The following VNN1 variants were observed in gnomAD, a reference collection of about 807,000 sequenced individuals.
VNN1 encodes the protein pantetheinase.
Under a neutral mutation model 41.9 loss-of-function variants are expected in VNN1, and 29 were observed. The observed-to-expected ratio is 0.69, with a 90% CI of 0.52 to 0.94. The LOEUF (loss-of-function observed/expected upper bound fraction) is 0.94. VNN1 is among the 40% of genes least tolerant of loss of function. VNN1 has a pLI of 0.00. For synonymous variants in VNN1, 233 were observed against 224.4 expected, an observed-to-expected ratio of 1.04 and a Z score of -0.34; for missense variants, 637 against 621.1, an observed-to-expected ratio of 1.03 and a Z score of -0.27.
rs1417039544 is a variant in VNN1, at chr6:132,692,299, TCAGA to T, written c.1108_1111del (p.Ser370ArgfsTer10). On this transcript the variant is annotated frameshift_variant, in exon 5 of 7. Coordinates refer to ENST00000367928, the MANE Select transcript of VNN1 (RefSeq NM_004666.3). LOFTEE classifies it high-confidence loss of function. ...AGCGTACACTTCATTTGGTATGTTC[TCAGA>T]CATTTTGTAGCTTAAATGACAGCAG... 6 of 1,614,218 alleles carry T rather than the reference TCAGA, an allele frequency of 3.7e-6. No individual in the cohort carries two copies. The highest frequency in any genetic ancestry group is 5.1e-6 in the Non-Finnish European group (6 of 1,180,022).
At chr6:132,691,403 G>A (rs576505302) in intron 5 of VNN1, among the ~76,000 whole-genome samples, 7 of 151,934 alleles carry the variant, frequency 4.6e-5, no homozygotes, top group African/African-American at 9.7e-5. Context: ...GGCCACTTGC[G>A]AGCAATGAGA....
intron 1 of VNN1, among the ~76,000 whole-genome samples, chr6:132,712,408 C>A (rs1378312032): frequency 6.6e-6 from 1 of 152,020 alleles, no homozygotes; most frequent in Non-Finnish European, 1.5e-5. Context: ...CTTCAGCCTC[C>A]CAAAGTGTTG....
At position 132,696,883 on chromosome 6, in the gene VNN1, C is replaced by T. The variant is rs142202609; in HGVS notation, c.342-2701G>A. Among the ~76,000 whole-genome samples, 3 of 152,138 alleles carry T rather than the reference C, an allele frequency of 2.0e-5. No individual in the cohort carries two copies. The East Asian group carries it at 5.8e-4, about 30-fold the overall frequency. Reference sequence around the variant, plus strand: ...CTTTGCAAGACTGAGGCCAGTGGAACACCTGAGGTCAGGAGATCGAGACCA... The same window carrying T: ...CTTTGCAAGACTGAGGCCAGTGGAATACCTGAGGTCAGGAGATCGAGACCA... On this transcript the variant is annotated intron_variant, in intron 2 of 6. Coordinates refer to ENST00000367928, the MANE Select transcript of VNN1 (RefSeq NM_004666.3).
Position 132,694,029 on chromosome 6 carries a change from TACC to T in VNN1, c.492_494del (p.Val165del). On this transcript the variant is annotated inframe_deletion, in exon 3 of 7. Coordinates refer to ENST00000367928, the MANE Select transcript of VNN1 (RefSeq NM_004666.3). ...CCACCAGTTTTCCTTGAGAATCAAA[TACC>T]ACATCAGTGTTGTATTGGTAACGGC... is the stretch of plus-strand genomic sequence containing the variant. 1 of 1,614,194 alleles carries T rather than the reference TACC, an allele frequency of 6.2e-7. No homozygotes were observed. Among genetic ancestry groups the T allele is most frequent in the Non-Finnish European group, 8.5e-7 (1 of 1,180,016 alleles).
intron 2 of VNN1, among the ~76,000 whole-genome samples, chr6:132,701,199 A>G (rs1193242524): frequency 6.6e-6 from 1 of 152,232 alleles, no homozygotes; most frequent in Non-Finnish European, 1.5e-5. Context: ...ATTAAAAATT[A>G]TAACCCATTT....
At chr6:132,685,145 G>C (rs931057933) in intron 5 of VNN1, among the ~76,000 whole-genome samples, 1 of 152,338 alleles carries the variant, frequency 6.6e-6, no homozygotes, top group Admixed American at 6.5e-5. Context: ...ATCTGGAAAA[G>C]TCATATCCTC....
intron 2 of VNN1, among the ~76,000 whole-genome samples, chr6:132,694,689 T>C (rs1778342467): frequency 6.8e-6 from 1 of 147,632 alleles, no homozygotes; most frequent in Non-Finnish European, 1.5e-5. Context: ...ACTGTCTCTC[T>C]ACAAAAAATG....
intron 5 of VNN1, among the ~76,000 whole-genome samples, chr6:132,691,136 A>C (rs942622071): frequency 6.6e-6 from 1 of 152,240 alleles, no homozygotes; most frequent in African/African-American, 2.4e-5. Context: ...AGGATAGAGA[A>C]TAGGAAGGGA....
intron 2 of VNN1, among the ~76,000 whole-genome samples, chr6:132,704,350 A>T (rs1778489627): frequency 6.6e-6 from 1 of 152,136 alleles, no homozygotes; most frequent in Non-Finnish European, 1.5e-5. Context: ...AATTGAGATC[A>T]TATCAAGTAT....
At chr6:132,709,374 G>A (rs1324754617) in intron 2 of VNN1, among the ~76,000 whole-genome samples, 1 of 152,064 alleles carries the variant, frequency 6.6e-6, no homozygotes, top group Non-Finnish European at 1.5e-5. Flanking sequence ...AATTTGCAGA[G>A]TTAATAAATT....
Position 132,714,013 on chromosome 6 carries a change from T to G in VNN1, c.23A>C (p.Tyr8Ser). The G allele has an allele frequency of 6.2e-7, 1 of 1,613,644 alleles. No individual in the cohort carries two copies. The highest frequency in any genetic ancestry group is 8.5e-7 in the Non-Finnish European group (1 of 1,179,802). Reference sequence around the variant, plus strand: ...GACATAGAAAAGCAAAATTGCCACGTAAGCTGGCAACTGAGTAGTCATGCT... The same window carrying G: ...GACATAGAAAAGCAAAATTGCCACGGAAGCTGGCAACTGAGTAGTCATGCT... MTTQLPA[Y>S]VAILLFYVSR... The change falls in exon 1 of 7, where the codon TAC becomes TCC. Residue 8 changes from tyrosine to serine, a missense_variant. Transcript: ENST00000367928.
In VNN1 at chr6:132,704,273, C is replaced by A. The variant is rs536985587; in HGVS notation, c.341+7436G>T. ...ACAGAATAAACATTCTTCTCCCCAG[C>A]ACATGGATCATTCTCAAGGAGAGAC... On this transcript the variant is annotated intron_variant, in intron 2 of 6. Coordinates refer to ENST00000367928, the MANE Select transcript of VNN1 (RefSeq NM_004666.3). 7.2e-5 allele frequency among the ~76,000 whole-genome samples: 11 copies of A among 152,172 alleles called. No homozygotes were observed. In the East Asian group the frequency reaches 1.4e-3, roughly 19 times the overall value.
chr6:132,692,444 T>A lies in VNN1; in HGVS notation c.967A>T (p.Ile323Leu), dbSNP rs1562215602. 2 of 1,614,142 alleles carry A rather than the reference T, an allele frequency of 1.2e-6. No homozygotes were observed. Among genetic ancestry groups the A allele is most frequent in the Admixed American group, 3.3e-5 (2 of 60,010 alleles). ...TTGTTTCCTGATGAGAGCGCTTCTA[T>A]ACTGCTGGCATAGGAAGTCCAGTTC... ...VVNWTSYASS[I>L]EALSSGNKEF... The change falls in exon 5 of 7, where the codon ATA becomes TTA. Residue 323 changes from isoleucine (I) to leucine (L), a missense_variant. Coordinates refer to ENST00000367928, the MANE Select transcript of VNN1 (RefSeq NM_004666.3).
chr6:132,703,902 G>C (rs1778482896), intron 2 of VNN1, among the ~76,000 whole-genome samples: 1 of 152,116 alleles, frequency 6.6e-6, no homozygotes, highest in Non-Finnish European at 1.5e-5. Context: ...AGGAGCAGGG[G>C]TAGCTATATT....
At chr6:132,712,153 CTTT>C (rs569395584) in intron 1 of VNN1, among the ~76,000 whole-genome samples, 1 of 132,672 alleles carries the variant, frequency 7.5e-6, no homozygotes. Flanking sequence ...TTTTTTCTCT[CTTT>C]TTTTTTTTTT....
chr6:132,691,316 C>G (rs147281061), intron 5 of VNN1, among the ~76,000 whole-genome samples: 193 of 152,240 alleles, frequency 1.3e-3, no homozygotes, highest in African/African-American at 4.4e-3. Context: ...GTCAGACTGT[C>G]AATAGGAAGC....
rs1217969292 is a variant in VNN1 at position 132,692,645 on chromosome 6, TGTTATTACTATTTTAACC to T, written c.827-79_827-62del. 163 of 1,501,600 alleles carry T rather than the reference TGTTATTACTATTTTAACC, an allele frequency of 1.1e-4. 3 individuals are homozygous for T. The East Asian group carries it at 1.8e-3, about 16-fold the overall frequency. 93.0% of individuals were successfully genotyped at this position (1,501,600 alleles called of 1,614,324 possible). ...GGAAAGTAAAAAGGGATTTCATAAT[TGTTATTACTATTTTAACC>T]TCATATTCACATTTTACTCTCTCTA... On this transcript the variant is annotated intron_variant, in intron 4 of 6. Coordinates refer to ENST00000367928, the MANE Select transcript of VNN1 (RefSeq NM_004666.3).
At chr6:132,709,100 CT>C (rs1232652178) in intron 2 of VNN1, among the ~76,000 whole-genome samples, 1 of 152,098 alleles carries the variant, frequency 6.6e-6, no homozygotes, top group Non-Finnish European at 1.5e-5. Context: ...CCCTATTCAC[CT>C]TCCCCACTTT....
At chr6:132,704,003 G>A (rs773338451) in intron 2 of VNN1, among the ~76,000 whole-genome samples, 1 of 152,048 alleles carries the variant, frequency 6.6e-6, no homozygotes, top group African/African-American at 2.4e-5. Flanking sequence ...TTCTGTCAGA[G>A]GATATAACAA....
Sources: allele counts gnomAD v4.1 joint callset (sites outside exome capture counted in the v4.1 genomes callset), GRCh38; gene constraint gnomAD v4.1.1; transcripts MANE v1.5; gene names NCBI Gene and HGNC (gene_info 2026-07-23, HGNC 2026-07-21).